The following KIAA1217 variants were observed in gnomAD, a reference collection of about 807,000 sequenced individuals.
KIAA1217 encodes the protein KIAA1217, also known as sickle tail protein homolog.
KIAA1217 carries 88 observed loss-of-function variants against 163.9 expected under a neutral mutation model. That is an observed-to-expected ratio of 0.54 (90% confidence interval 0.45 to 0.64). The LOEUF (loss-of-function observed/expected upper bound fraction) is 0.64, where lower values mean the gene tolerates loss of function less well. Among genes scored for constraint, KIAA1217 ranks in the 30% least tolerant of loss-of-function variants. The pLI, the probability that KIAA1217 is intolerant of heterozygous loss-of-function variation, is 0.00. For missense variants in KIAA1217, 2,372 were observed against 2,475.0 expected (o/e 0.96, Z 0.88); for synonymous variants, 903 against 923.1 (o/e 0.98, Z 0.39).
At chr10:23,828,639 G>C (rs1462351650) in intron 1 of KIAA1217, among the ~76,000 whole-genome samples, 2 of 152,138 alleles carry the variant, frequency 1.3e-5, no homozygotes, top group Non-Finnish European at 2.9e-5. Flanking sequence ...AAAAGCATCT[G>C]TCCTCCAATG....
chr10:24,068,878 A>G (rs910473942), intron 2 of KIAA1217, among the ~76,000 whole-genome samples: 2 of 152,220 alleles, frequency 1.3e-5, no homozygotes, highest in Non-Finnish European at 2.9e-5. Context: ...AGAAGGAGCT[A>G]TGGGAAGTTT....
At chr10:24,184,488 A>G (rs748676111) in intron 2 of KIAA1217, among the ~76,000 whole-genome samples, 1 of 152,214 alleles carries the variant, frequency 6.6e-6, no homozygotes, top group Non-Finnish European at 1.5e-5. Flanking sequence ...CCTAATGCAA[A>G]TAAGCTATCA....
chr10:23,715,790 C>G (rs986705234), intron 1 of KIAA1217, among the ~76,000 whole-genome samples: 1 of 151,904 alleles, frequency 6.6e-6, no homozygotes, highest in Admixed American at 6.6e-5. Flanking sequence ...TAAACTTGCC[C>G]GTGAAAGAAA....
At chr10:23,856,042 T>C (rs999703536) in intron 1 of KIAA1217, among the ~76,000 whole-genome samples, 1 of 152,268 alleles carries the variant, frequency 6.6e-6, no homozygotes, top group Non-Finnish European at 1.5e-5. Flanking sequence ...AGCTTTGTTC[T>C]GTTGCTGGTA....
intron 2 of KIAA1217, among the ~76,000 whole-genome samples, chr10:24,192,748 A>G (rs2066785480): frequency 6.6e-6 from 1 of 152,216 alleles, no homozygotes. Flanking sequence ...TGCTTACAGC[A>G]AGACCTTGGG....
At chr10:24,485,577 C>G (rs1054127042) in intron 6 of KIAA1217, among the ~76,000 whole-genome samples, 1 of 152,178 alleles carries the variant, frequency 6.6e-6, no homozygotes, top group Admixed American at 6.5e-5. Flanking sequence ...GATGTAAGTT[C>G]CATGAGGGCA....
chr10:24,422,025 C>G (rs1372794289), intron 3 of KIAA1217, among the ~76,000 whole-genome samples: 4 of 152,102 alleles, frequency 2.6e-5, no homozygotes, highest in African/African-American at 7.2e-5. Flanking sequence ...CTGGGGAGGC[C>G]TCATAATCAT....
chr10:24,181,458 G>A (rs1263125660), intron 2 of KIAA1217, among the ~76,000 whole-genome samples: 3 of 152,122 alleles, frequency 2.0e-5, no homozygotes, highest in African/African-American at 7.2e-5. Flanking sequence ...CAAGTCAAAG[G>A]AGAAAAGTAA....
intron 3 of KIAA1217, among the ~76,000 whole-genome samples, chr10:24,428,231 C>T (rs2059326105): frequency 6.6e-6 from 1 of 152,226 alleles, no homozygotes; most frequent in Non-Finnish European, 1.5e-5. Context: ...GCATGGACCT[C>T]AAGAGCGGTT....
intron 1 of KIAA1217, among the ~76,000 whole-genome samples, chr10:23,999,567 G>A (rs1285025041): frequency 6.6e-6 from 1 of 152,176 alleles, no homozygotes; most frequent in Non-Finnish European, 1.5e-5. Context: ...CAGAGATGGG[G>A]AAGGCGGAGG....
At chr10:23,748,496 G>A (rs1350313096) in intron 1 of KIAA1217, among the ~76,000 whole-genome samples, 4 of 141,828 alleles carry the variant, frequency 2.8e-5, no homozygotes, top group Admixed American at 7.1e-5. Flanking sequence ...AAGGAAAGAA[G>A]GGAAAGGAGA....
chr10:23,791,061 G>C (rs1588827695), intron 1 of KIAA1217, among the ~76,000 whole-genome samples: 1 of 151,840 alleles, frequency 6.6e-6, no homozygotes, highest in African/African-American at 2.4e-5. Flanking sequence ...AAGAATACGT[G>C]GTTTTCCCCA....
At chr10:23,951,575 C>T (rs969568185) in intron 1 of KIAA1217, among the ~76,000 whole-genome samples, 1 of 152,054 alleles carries the variant, frequency 6.6e-6, no homozygotes, top group Non-Finnish European at 1.5e-5. Flanking sequence ...ATTGCTTGAG[C>T]CTGGGACGTG....
chr10:24,397,061 A>G (rs2055865862), intron 3 of KIAA1217, among the ~76,000 whole-genome samples: 1 of 151,624 alleles, frequency 6.6e-6, no homozygotes. Flanking sequence ...GGTTTCTGCC[A>G]TCCAGGAGTT....
At chr10:24,008,287 T>A (rs1271985284) in intron 2 of KIAA1217, among the ~76,000 whole-genome samples, 2 of 152,130 alleles carry the variant, frequency 1.3e-5, no homozygotes, top group Non-Finnish European at 2.9e-5. Context: ...CTCAGCCACA[T>A]CACAGAGGGA....
intron 1 of KIAA1217, among the ~76,000 whole-genome samples, chr10:23,751,519 C>G (rs1456902901): frequency 6.6e-6 from 1 of 151,974 alleles, no homozygotes; most frequent in Non-Finnish European, 1.5e-5. Context: ...GAGGTCCTTA[C>G]AGGAGCTAAA....
chr10:23,699,233 A>G (rs558329241), intron 1 of KIAA1217, among the ~76,000 whole-genome samples: 1 of 152,334 alleles, frequency 6.6e-6, no homozygotes, highest in African/African-American at 2.4e-5. Flanking sequence ...GGTCCTAGGC[A>G]GAGCTGTGAA....
intron 3 of KIAA1217, among the ~76,000 whole-genome samples, chr10:24,424,101 C>T (rs553945578): frequency 5.3e-5 from 8 of 151,598 alleles, no homozygotes; most frequent in East Asian, 1.9e-4. Context: ...AGACTTTCTG[C>T]GGAGAATGAA....
chr10:24,087,081 A>G (rs941002963), intron 2 of KIAA1217, among the ~76,000 whole-genome samples: 1 of 152,238 alleles, frequency 6.6e-6, no homozygotes, highest in African/African-American at 2.4e-5. Flanking sequence ...TCATCCTTAA[A>G]TGAAAGCTGC....
Sources: gnomAD v4.1 joint callset for allele counts (sites outside exome capture counted in the v4.1 genomes callset) on GRCh38, gnomAD v4.1.1 for gene constraint, MANE v1.5 for transcripts, NCBI Gene and HGNC (gene_info 2026-07-23, HGNC 2026-07-21) for gene names.